Variants in TBCK observed in about 807,000 individuals in gnomAD.
The protein encoded by TBCK is TBC1 domain containing kinase.
TBCK carries 99 observed loss-of-function variants against 113.4 expected under a neutral mutation model. That is an observed-to-expected ratio of 0.87 (90% CI 0.74 to 1.03). TBCK has a LOEUF of 1.03. Among genes scored for constraint, TBCK ranks in the 50% least tolerant of loss-of-function variants. The pLI is 0.00. For synonymous variants in TBCK, 369 were observed against 370.8 expected, an observed-to-expected ratio of 1.00 and a Z score of 0.05; for missense variants, 1,045 against 1,061.3, an observed-to-expected ratio of 0.98 and a Z score of 0.21.
intron 20 of TBCK, among the ~76,000 whole-genome samples, chr4:106,208,333 C>G (rs904231908): frequency 3.3e-5 from 5 of 152,018 alleles, no homozygotes; most frequent in Admixed American, 6.5e-5. Flanking sequence ...TTGATCCCTA[C>G]CATTCACCTA....
intron 23 of TBCK, among the ~76,000 whole-genome samples, chr4:106,137,589 T>A (rs371338699): frequency 1.4e-5 from 2 of 140,944 alleles, no homozygotes; most frequent in East Asian, 4.1e-4. Flanking sequence ...AAGTTTTCAT[T>A]TCTCCCTCTT....
At chr4:106,111,054 G>C (rs984989518) in intron 24 of TBCK, among the ~76,000 whole-genome samples, 1 of 151,532 alleles carries the variant, frequency 6.6e-6, no homozygotes, top group Non-Finnish European at 1.5e-5. Context: ...GGTTAACTGA[G>C]GCCACTCTGC....
chr4:106,043,144 TTC>T lies in TBCK; in HGVS notation c.*3424_*3425del, dbSNP rs1253375490. On this transcript the variant is annotated 3_prime_UTR_variant, in exon 26 of 26. Transcript: ENST00000394708. ...CTTTTCATTTCTGACATCAAAAAAC[TTC>T]TTTCTTTCAAACTTGGTTAAGCATT... 6.6e-6 allele frequency: 1 copy of T among 152,220 alleles called. No individual in the cohort carries two copies. The highest frequency in any genetic ancestry group is 1.9e-4 in the East Asian group (1 of 5,202). The allele number at this position is 152,220 out of a possible 1,614,324, so 9.4% of individuals were successfully genotyped here. A position where few individuals can be genotyped will look rare whatever the true frequency, so the allele number is the denominator to read the frequency against.
At position 106,086,596 on chromosome 4, in the gene TBCK, T is replaced by C. The variant is rs183363694; in HGVS notation, c.2571+8886A>G. Among the ~76,000 whole-genome samples the C allele has an allele frequency of 5.9e-4, 90 of 152,286 alleles. 3 individuals are homozygous for C. Among genetic ancestry groups the C allele is most frequent in the Admixed American group, 1.7e-3 (26 of 15,298 alleles). The stretch of plus-strand genomic sequence containing the variant: ...AACTAATTTTATGAAGCCAGCATCA[T>C]CCTGATATCAAAACCGGGAAGAGAC... On this transcript the variant is annotated intron_variant, in intron 25 of 25. Transcript: ENST00000394708.
At chr4:106,131,300 A>G (rs1416709905) in intron 23 of TBCK, among the ~76,000 whole-genome samples, 1 of 152,236 alleles carries the variant, frequency 6.6e-6, no homozygotes, top group Non-Finnish European at 1.5e-5. Context: ...GTATGTCATT[A>G]TTAGCAGCAT....
At chr4:106,139,106 C>G (rs1338154314) in intron 23 of TBCK, among the ~76,000 whole-genome samples, 1 of 140,508 alleles carries the variant, frequency 7.1e-6, no homozygotes, top group South Asian at 2.4e-4. Flanking sequence ...CATTTTTGCT[C>G]TGGTCCTCCT....
In TBCK at chr4:106,308,877, T is replaced by C; in HGVS notation, c.84A>G (p.Gly28=). 6.2e-7 allele frequency: 1 copy of C among 1,614,058 alleles called. No individual in the cohort carries two copies. Among genetic ancestry groups the C allele is most frequent in the Non-Finnish European group, 8.5e-7 (1 of 1,179,996 alleles). ...ALPHDVCGSN[G]LPLTPNSIKI... ...TGATGGAATTTGGTGTGAGAGGAAG[T>C]CCATTGCTTCCACAAACATCATGTG... The change falls in exon 2 of 26, where the codon GGA becomes GGG. Residue 28 remains glycine (G), a synonymous_variant. Transcript: ENST00000394708.
chr4:106,155,793 T>A (rs1386879751), intron 23 of TBCK, among the ~76,000 whole-genome samples: 1 of 152,156 alleles, frequency 6.6e-6, no homozygotes, highest in Non-Finnish European at 1.5e-5. Context: ...CTTCTCTGTG[T>A]CATCTTGAAT....
At chr4:106,264,781 C>A (rs1433215550) in intron 3 of TBCK, among the ~76,000 whole-genome samples, 1 of 151,752 alleles carries the variant, frequency 6.6e-6, no homozygotes, top group Non-Finnish European at 1.5e-5. Flanking sequence ...TTTTAAATTT[C>A]TTTTTTGTTT....
chr4:106,221,701 G>T lies in TBCK; in HGVS notation c.1774+8662C>A, dbSNP rs1757700910. ...AAAAGAAAAACAGAATAAAACAAAG[G>T]ATTCAATGGAATCATAGAATCTTGA... is the stretch of plus-strand genomic sequence containing the variant. On this transcript the variant is annotated intron_variant, in intron 19 of 25. Coordinates refer to ENST00000394708, the MANE Select transcript of TBCK (RefSeq NM_001163435.3). Among the ~76,000 whole-genome samples, 4 of 151,798 alleles carry T rather than the reference G, an allele frequency of 2.6e-5. No homozygotes were observed. In the South Asian group the frequency reaches 6.2e-4, roughly 24 times the overall value.
chr4:106,226,576 G>C (rs1361757041), intron 19 of TBCK, among the ~76,000 whole-genome samples: 1 of 152,134 alleles, frequency 6.6e-6, no homozygotes, highest in Non-Finnish European at 1.5e-5. Context: ...ACAATTTCAT[G>C]TTAGCTTTGA....
chr4:106,209,173 T>A (rs2149875660), intron 20 of TBCK, among the ~76,000 whole-genome samples: 1 of 152,332 alleles, frequency 6.6e-6, no homozygotes, highest in African/African-American at 2.4e-5. Flanking sequence ...AGAACTTTTT[T>A]ACAAGAAGTT....
In TBCK at chr4:106,295,092, A is replaced by C. The variant is rs1174436721; in HGVS notation, c.266+2T>G. The C allele has an allele frequency of 6.2e-7, 1 of 1,611,386 alleles. No homozygotes were observed. Among genetic ancestry groups the C allele is most frequent in the Non-Finnish European group, 8.5e-7 (1 of 1,178,266 alleles). On this transcript the variant is annotated splice_donor_variant, in intron 3 of 25. Transcript: ENST00000394708. LOFTEE classifies it high-confidence loss of function. ...TTTAATTGTTCTGATACTATACAGT[A>C]CCTCACAGGTTTCCTTTCTCGAAGC...
chr4:106,281,559 C>CT (rs1764597501), intron 3 of TBCK, among the ~76,000 whole-genome samples: 1 of 151,992 alleles, frequency 6.6e-6, no homozygotes, highest in Non-Finnish European at 1.5e-5. Context: ...AGCTGTGGGC[C>CT]TGTCATACAT....
chr4:106,253,595 A>G (rs1472246451), intron 5 of TBCK, among the ~76,000 whole-genome samples: 1 of 152,174 alleles, frequency 6.6e-6, no homozygotes, highest in African/African-American at 2.4e-5. Flanking sequence ...CTATTGTTTT[A>G]CTTCTTCACC....
chr4:106,192,275 C>T (rs1314884018), intron 22 of TBCK, among the ~76,000 whole-genome samples: 1 of 151,882 alleles, frequency 6.6e-6, no homozygotes, highest in Admixed American at 6.6e-5. Context: ...TGAAAATGTA[C>T]AATCAGCATT....
At chr4:106,290,335 G>A (rs1765565878) in intron 3 of TBCK, among the ~76,000 whole-genome samples, 3 of 151,860 alleles carry the variant, frequency 2.0e-5, no homozygotes, top group Admixed American at 6.6e-5. Flanking sequence ...CTGCCACCAC[G>A]CCTGGTTAAT....
chr4:106,074,756 T>C (rs927537795), intron 25 of TBCK, among the ~76,000 whole-genome samples: 3 of 152,220 alleles, frequency 2.0e-5, no homozygotes, highest in African/African-American at 7.2e-5. Context: ...TGCAGTTACC[T>C]GGGGCTAGCA....
chr4:106,080,752 G>T (rs1738753450), intron 25 of TBCK, among the ~76,000 whole-genome samples: 1 of 151,982 alleles, frequency 6.6e-6, no homozygotes, highest in Admixed American at 6.6e-5. Context: ...CAAAATGGAA[G>T]AAAATTTTTG....
Sources: gnomAD v4.1 joint callset for allele counts (sites outside exome capture counted in the v4.1 genomes callset) on GRCh38, gnomAD v4.1.1 for gene constraint, MANE v1.5 for transcripts, NCBI Gene and HGNC (gene_info 2026-07-23, HGNC 2026-07-21) for gene names.